AOC3: variants seen among roughly 807,000 people sequenced by gnomAD.
AOC3 encodes the protein amine oxidase copper containing 3.
AOC3 carries 47 observed loss-of-function variants against 55.4 expected under a neutral mutation model. The ratio of observed to expected loss-of-function variants is 0.85; its 90% CI spans 0.67 to 1.08. AOC3 has a LOEUF of 1.08. AOC3 is among the 50% of genes least tolerant of loss of function. The pLI is 0.00. For synonymous variants in AOC3, 386 were observed against 410.7 expected (o/e 0.94, Z 0.73); for missense variants, 853 against 993.1 (o/e 0.86, Z 1.90).
intron 1 of AOC3, chr17:42,853,295 TGTGTCTGGCCTGTG>T (rs1268019516): frequency 9.3e-7 from 1 of 1,070,946 alleles, no homozygotes; most frequent in Non-Finnish European, 1.1e-6. Context: ...AGCTCAGTTC[TGTGTCTGGCCTGTG>T]GTGGTGGTGT....
At position 42,852,833 on chromosome 17, in the gene AOC3, C is replaced by G; in HGVS notation, c.1490C>G (p.Ser497Trp). ...TTCTATGCCACGGGCTACATCAGCT[C>G]GGCATTCCTCTTTGGTGCTACTGGG... is the stretch of plus-strand genomic sequence containing the variant. The part of the protein sequence containing the change: ...IRFYATGYIS[S>W]AFLFGATGKY... The change falls in exon 1 of 4, where the codon TCG (serine) becomes TGG (tryptophan). Residue 497 changes from serine (S) to tryptophan (W), a missense_variant. Transcript: ENST00000308423. 2 of 1,613,978 alleles carry G rather than the reference C, an allele frequency of 1.2e-6. No homozygotes were observed. The highest frequency in any genetic ancestry group is 8.5e-7 in the Non-Finnish European group (1 of 1,179,898).
chr17:42,854,183 C>T (rs1360901471), intron 1 of AOC3: 4 of 318,946 alleles, frequency 1.3e-5, no homozygotes, highest in Non-Finnish European at 2.3e-5. Flanking sequence ...TCTCTATCCC[C>T]AGGGACGAGT....
intron 1 of AOC3, chr17:42,854,188 A>T (rs1312926522): frequency 1.2e-5 from 4 of 328,562 alleles, no homozygotes; most frequent in Non-Finnish European, 2.2e-5. Flanking sequence ...ATCCCCAGGG[A>T]CGAGTACAGT....
At chr17:42,853,528 T>A (rs942200543) in intron 1 of AOC3, among the ~76,000 whole-genome samples, 1 of 152,154 alleles carries the variant, frequency 6.6e-6, no homozygotes, top group Admixed American at 6.5e-5. Context: ...CAAGGCTACA[T>A]GATGGCTTGG....
chr17:42,853,347 C>A, intron 1 of AOC3: 1 of 1,018,620 alleles, frequency 9.8e-7, no homozygotes, highest in Non-Finnish European at 1.2e-6. Context: ...CATTCTACCA[C>A]GTCCCTGGCA....
In AOC3 at chr17:42,852,659, C is replaced by G. The variant is rs753538898; in HGVS notation, c.1316C>G (p.Pro439Arg). The G allele has an allele frequency of 7.7e-5, 124 of 1,614,162 alleles. No individual in the cohort carries two copies. Among genetic ancestry groups the G allele is most frequent in the Non-Finnish European group, 1.0e-4 (123 of 1,180,052 alleles). ...GTGTTTGAACAGAACCAGGGCCTCC[C>G]CCTGCGGCGACACCACTCAGATCTC... is the stretch of plus-strand genomic sequence containing the variant. ...FCVFEQNQGL[P>R]LRRHHSDLYS... Residue 439 changes from proline (P) to arginine (R), a missense_variant, in exon 1 of 4, where the codon CCC (proline) becomes CGC (arginine). Coordinates refer to ENST00000308423, the MANE Select transcript of AOC3 (RefSeq NM_003734.4).
chr17:42,851,247 C>T lies in AOC3; in HGVS notation c.-97C>T. 7.1e-7 allele frequency: 1 copy of T among 1,412,260 alleles called. No homozygotes were observed. Among genetic ancestry groups the T allele is most frequent in the Non-Finnish European group, 9.6e-7 (1 of 1,037,392 alleles). The allele number at this position is 1,412,260 out of a possible 1,614,324, so 87.5% of individuals were successfully genotyped here. ...GAACCTCAGCCAGAGTCCGGGAGCC[C>T]CCCACCCCGTCCAGGAGCCAACAGA... On this transcript the variant is annotated 5_prime_UTR_variant, in exon 1 of 4. Transcript: ENST00000308423.
Position 42,854,652 on chromosome 17 carries a change from G to T in AOC3, c.1805G>T (p.Gly602Val). Reference sequence around the variant, plus strand: ...AGCAACAAGTGGGGTCACCCCCGGGGCTACCGCATCCAGATGCTCAGCTTT... The same window carrying T: ...AGCAACAAGTGGGGTCACCCCCGGGTCTACCGCATCCAGATGCTCAGCTTT... ...NHSNKWGHPR[G>V]YRIQMLSFAG... The change falls in exon 2 of 4, where the codon GGC becomes GTC. Residue 602 changes from glycine (G) to valine (V), a missense_variant. Transcript: ENST00000308423. 6.4e-7 allele frequency: 1 copy of T among 1,550,644 alleles called. No individual in the cohort carries two copies.
rs1260499021 is a variant in AOC3 at position 42,851,211 on chromosome 17, C to CT, written c.-132dup. On this transcript the variant is annotated 5_prime_UTR_variant, in exon 1 of 4. Transcript: ENST00000308423. Reference sequence around the variant, plus strand: ...CCTTCCCACCCTTAGTCCCAGGCATCTGACTACCGGGAACCTCAGCCAGAG... The same window carrying CT: ...CCTTCCCACCCTTAGTCCCAGGCATCTTGACTACCGGGAACCTCAGCCAGAG... 2 of 846,230 alleles carry CT rather than the reference C, an allele frequency of 2.4e-6. No individual in the cohort carries two copies. Among genetic ancestry groups the CT allele is most frequent in the African/African-American group, 3.5e-5 (2 of 56,450 alleles). The allele number at this position is 846,230 out of a possible 1,614,324, so 52.4% of individuals were successfully genotyped here.
Position 42,852,748 on chromosome 17 carries a change from C to G in AOC3, c.1405C>G (p.Leu469Val). 6.2e-7 allele frequency: 1 copy of G among 1,614,226 alleles called. No homozygotes were observed. Among genetic ancestry groups the G allele is most frequent in the Non-Finnish European group, 8.5e-7 (1 of 1,180,032 alleles). The change falls in exon 1 of 4, where the codon CTC (leucine) becomes GTC (valine). Residue 469 changes from leucine (L) to valine (V), a missense_variant. Physicochemically the swap from Leu to Val is conservative, Grantham distance 32. Transcript: ENST00000308423. Reference protein sequence around the residue: ...VLVVRSMSTLLNYDYVWDTVF... With the variant: ...VLVVRSMSTLVNYDYVWDTVF... ...GGTCGTCAGATCTATGTCCACCTTG[C>G]TCAACTATGACTATGTGTGGGATAC... is the stretch of plus-strand genomic sequence containing the variant.
In AOC3 at chr17:42,852,805, C is replaced by A. The variant is rs573304904; in HGVS notation, c.1462C>A (p.Arg488=). 2.3e-4 allele frequency: 367 copies of A among 1,614,014 alleles called. 2 individuals carry two copies. In the South Asian group the frequency reaches 3.6e-3, roughly 16 times the overall value. ...VFHPSGAIEI[R]FYATGYISSA... is the part of the protein sequence containing the mutation. ...CCACCCCAGTGGGGCCATAGAAATA[C>A]GATTCTATGCCACGGGCTACATCAG... Residue 488 remains arginine (R), a synonymous_variant, in exon 1 of 4, where the codon CGA becomes AGA. Coordinates refer to ENST00000308423, the MANE Select transcript of AOC3 (RefSeq NM_003734.4).
At chr17:42,854,132 T>G (rs544829713) in intron 1 of AOC3, 1 of 218,410 alleles carries the variant, frequency 4.6e-6, no homozygotes, top group Non-Finnish European at 9.0e-6. Context: ...CAGTGGTTTG[T>G]CTGTCTGCGT....
rs1294326066 is a variant in AOC3, at chr17:42,852,236, G to T, written c.893G>T (p.Gly298Val). ...VVLIPDNGTG[G>V]SWSLKSPVPP... is the part of the protein sequence containing the mutation. ...CTGATCCCAGACAATGGCACAGGTG[G>T]GTCCTGGTCCCTGAAGTCCCCTGTG... The change falls in exon 1 of 4, where the codon GGG (glycine) becomes GTG (valine). Residue 298 changes from glycine (G) to valine (V), a missense_variant. Gly to Val is a moderately radical substitution (Grantham distance 109). Transcript: ENST00000308423. The T allele has an allele frequency of 6.2e-7, 1 of 1,613,598 alleles. No individual in the cohort carries two copies. The highest frequency in any genetic ancestry group is 8.5e-7 in the Non-Finnish European group (1 of 1,179,842).
At position 42,852,138 on chromosome 17, in the gene AOC3, C is replaced by G. The variant is rs376088513; in HGVS notation, c.795C>G (p.Phe265Leu). 2 of 1,613,932 alleles carry G rather than the reference C, an allele frequency of 1.2e-6. No individual in the cohort carries two copies. The highest frequency in any genetic ancestry group is 3.3e-5 in the Admixed American group (2 of 60,026). ...DPARWTIQKV[F>L]YQGRYYDSLA... is the part of the protein sequence containing the mutation. ...CCCGCTGGACTATCCAGAAGGTGTT[C>G]TATCAAGGCCGCTACTACGACAGCC... Residue 265 changes from phenylalanine (F) to leucine (L), a missense_variant, in exon 1 of 4, where the codon TTC becomes TTG. Phe to Leu is a conservative substitution (Grantham distance 22). Coordinates refer to ENST00000308423, the MANE Select transcript of AOC3 (RefSeq NM_003734.4).
chr17:42,853,403 A>C, intron 1 of AOC3: 2 of 992,340 alleles, frequency 2.0e-6, no homozygotes, highest in Non-Finnish European at 2.4e-6. Context: ...TTGGAGATGG[A>C]CCCTCCTCCC....
Position 42,854,552 on chromosome 17 carries a change from C to T in AOC3, c.1705C>T (p.Leu569=). Residue 569 remains leucine (L), a synonymous_variant, in exon 2 of 4, where the codon CTG becomes TTG. Coordinates refer to ENST00000308423, the MANE Select transcript of AOC3 (RefSeq NM_003734.4). Reference sequence around the variant, plus strand: ...GAGGCTGCAGGTGACCCGGAAGCTGCTGGAGATGGAGGAGCAGGCCGCCTT... The same window carrying T: ...GAGGCTGCAGGTGACCCGGAAGCTGTTGGAGATGGAGGAGCAGGCCGCCTT... ...LQRLQVTRKL[L]EMEEQAAFLV... is the part of the protein sequence containing the mutation. 1 of 1,611,020 alleles carries T rather than the reference C, an allele frequency of 6.2e-7. No individual in the cohort carries two copies. The highest frequency in any genetic ancestry group is 8.5e-7 in the Non-Finnish European group (1 of 1,178,564).
chr17:42,855,000 C>T (rs1400843277), intron 2 of AOC3, among the ~76,000 whole-genome samples: 2 of 152,062 alleles, frequency 1.3e-5, no homozygotes, highest in Admixed American at 6.5e-5. Flanking sequence ...GTGCACGCCA[C>T]CACACATGGC....
chr17:42,855,464 A>G lies in AOC3; in HGVS notation c.1907A>G (p.Gln636Arg), dbSNP rs377671071. The change falls in exon 3 of 4, where the codon CAG becomes CGG. Residue 636 changes from glutamine to arginine, a missense_variant. Gln to Arg is a conservative substitution (Grantham distance 43). Transcript: ENST00000308423. ...SWERYQLAVT[Q>R]RKEEEPSSSS... The stretch of plus-strand genomic sequence containing the variant: ...CCTAGGTACCAGCTGGCTGTGACCC[A>G]GCGGAAGGAGGAGGAGCCCAGTAGC... 3.2e-5 allele frequency: 51 copies of G among 1,608,082 alleles called. No individual in the cohort carries two copies. The highest frequency in any genetic ancestry group is 4.2e-5 in the Non-Finnish European group (50 of 1,177,584).
In AOC3 at chr17:42,851,430, T is replaced by C. The variant is rs548715489; in HGVS notation, c.87T>C (p.Gly29=). Residue 29 remains glycine, a synonymous_variant, in exon 1 of 4, where the codon GGT becomes GGC. Coordinates refer to ENST00000308423, the MANE Select transcript of AOC3 (RefSeq NM_003734.4). The stretch of plus-strand genomic sequence containing the variant: ...TTTGTGTCCTGCTGGTGGGCAGGGG[T>C]GGAGATGGGGGTGAACCCAGCCAGC... The part of the protein sequence containing the change: ...ALVCVLLVGR[G]GDGGEPSQLP... 2.2e-5 allele frequency: 35 copies of C among 1,614,152 alleles called. No homozygotes were observed. In the South Asian group the frequency reaches 3.4e-4, roughly 16 times the overall value.
Sources: gnomAD v4.1 joint callset for allele counts (sites outside exome capture counted in the v4.1 genomes callset) on GRCh38, gnomAD v4.1.1 for gene constraint, MANE v1.5 for transcripts, NCBI Gene and HGNC (gene_info 2026-07-23, HGNC 2026-07-21) for gene names.